The following CCDC33 variants were observed in gnomAD, a reference collection of about 807,000 sequenced individuals.
The protein encoded by CCDC33 is coiled-coil domain-containing protein 33.
In CCDC33, 94 loss-of-function variants were observed where a neutral mutation model predicts 91.9. The observed-to-expected ratio is 1.02, with a 90% confidence interval of 0.87 to 1.21. CCDC33 has a LOEUF of 1.21. CCDC33 is among the 50% of genes most tolerant of loss of function. The pLI is 0.00. For missense variants in CCDC33, 940 were observed against 935.5 expected, an observed-to-expected ratio of 1.00 and a Z score of -0.06; for synonymous variants, 396 against 374.5, an observed-to-expected ratio of 1.06 and a Z score of -0.66.
intron 6 of CCDC33, 80 bp from the exon 7 acceptor site, chr15:74,272,691 A>C: frequency 1.3e-6 from 2 of 1,560,090 alleles, no homozygotes; most frequent in Non-Finnish European, 8.7e-7. Context: ...GCATCAACCC[A>C]GAGTCTAAGC....
intron 2 of CCDC33, among the ~76,000 whole-genome samples, chr15:74,248,724 T>C (rs949860581): frequency 3.3e-5 from 5 of 152,068 alleles, no homozygotes; most frequent in African/African-American, 9.7e-5. Flanking sequence ...TGAGCCCATA[T>C]AGTAATAGGC....
At chr15:74,243,807 T>C in intron 1 of CCDC33, 178 bp from the exon 2 acceptor site, 1 of 697,748 alleles carries the variant, frequency 1.4e-6, no homozygotes, top group Non-Finnish European at 2.5e-6. Context: ...TAGTTGGATG[T>C]GGTGGCACAT....
intron 2 of CCDC33, among the ~76,000 whole-genome samples, chr15:74,223,144 A>G (rs1273905436): frequency 5.3e-5 from 8 of 152,016 alleles, no homozygotes. Context: ...TTCATGCCCC[A>G]TCCCCTCAGT....
At chr15:74,268,541 C>A in intron 5 of CCDC33, 83 bp downstream of exon 5, 3 of 1,047,504 alleles carry the variant, frequency 2.9e-6, no homozygotes, top group Admixed American at 3.5e-5. Flanking sequence ...TTGCCCTTAG[C>A]CCCCTCTGGC....
intron 8 of CCDC33, 77 bp downstream of exon 8, chr15:74,280,169 C>T (rs2076555158): frequency 6.5e-7 from 1 of 1,534,958 alleles, no homozygotes; most frequent in African/African-American, 1.4e-5. Context: ...TCAGACCATC[C>T]CACCTCTGCC....
chr15:74,268,570 C>A, intron 5 of CCDC33, 112 bp downstream of exon 5: 1 of 759,564 alleles, frequency 1.3e-6, no homozygotes, highest in Non-Finnish European at 2.2e-6. Context: ...GGGTGTGGAG[C>A]AGAGATGTCA....
chr15:74,265,961 T>C (rs1472239102), intron 3 of CCDC33, among the ~76,000 whole-genome samples: 1 of 152,068 alleles, frequency 6.6e-6, no homozygotes. Context: ...AAGGCAGAGG[T>C]TGTAGTGAGC....
At chr15:74,270,665 T>C (rs913293472) in intron 5 of CCDC33, among the ~76,000 whole-genome samples, 1 of 151,872 alleles carries the variant, frequency 6.6e-6, no homozygotes, top group Non-Finnish European at 1.5e-5. Flanking sequence ...GAGCCATTGG[T>C]GGATACAGGG....
chr15:74,218,420 C>G lies in CCDC33; in HGVS notation c.311-77C>G. The G allele has an allele frequency of 8.2e-7, 1 of 1,215,366 alleles. No homozygotes were observed. Among genetic ancestry groups the G allele is most frequent in the Non-Finnish European group, 1.1e-6 (1 of 948,636 alleles). 75.3% of individuals were successfully genotyped at this position (1,215,366 alleles called of 1,614,324 possible). On this transcript the variant is annotated intron_variant, in intron 1 of 2. Coordinates refer to the CCDC33 transcript ENST00000635913. The surrounding 1 kb of genome is among the most constrained non-coding windows in gnomAD (Gnocchi z 4.8). ...TGGGCAGCCCAGGTTTCCCCAGGGC[C>G]CTGCCTGTCCTCCTAGTCACCTGGC...
chr15:74,280,574 G>T (rs2059339634), intron 8 of CCDC33, 94 bp from the exon 9 acceptor site: 38 of 1,377,636 alleles, frequency 2.8e-5, no homozygotes, highest in Non-Finnish European at 3.6e-5. Context: ...AGGAAAGCAG[G>T]CAGCGGGAGA....
chr15:74,204,824 A>T (rs1482412410), intron 1 of CCDC33, among the ~76,000 whole-genome samples: 1 of 152,172 alleles, frequency 6.6e-6, no homozygotes, highest in East Asian at 1.9e-4. Context: ...AATCCCAGCT[A>T]CTAGGGAGGC....
Position 74,295,375 on chromosome 15 carries a change from T to C in CCDC33, c.1096-379T>C, listed in dbSNP as rs187226995. ...ATGGGATAAATGAATAGAGAGTATATTGGAAGTGGGATTACTTTAGATAGA... is the reference window on the plus strand; with the variant it reads ...ATGGGATAAATGAATAGAGAGTATACTGGAAGTGGGATTACTTTAGATAGA... On this transcript the variant is annotated intron_variant, in intron 10 of 18. Coordinates refer to ENST00000398814, the MANE Select transcript of CCDC33 (RefSeq NM_025055.5). Among the ~76,000 whole-genome samples the C allele has an allele frequency of 3.2e-4, 49 of 152,250 alleles. No homozygotes were observed. In the East Asian group the frequency reaches 9.3e-3, roughly 29 times the overall value.
chr15:74,286,602 C>T (rs549806852), intron 10 of CCDC33, among the ~76,000 whole-genome samples: 16 of 152,270 alleles, frequency 1.1e-4, no homozygotes, highest in South Asian at 1.0e-3. Context: ...TGGAAATGCA[C>T]CTCCCCATGA....
At chr15:74,290,082 A>G (rs989891007) in intron 10 of CCDC33, among the ~76,000 whole-genome samples, 3 of 152,028 alleles carry the variant, frequency 2.0e-5, no homozygotes, top group East Asian at 1.9e-4. Flanking sequence ...TGAAAACCCA[A>G]CCACCTTAGT....
chr15:74,266,172 G>A (rs2076160634), intron 3 of CCDC33, among the ~76,000 whole-genome samples: 1 of 152,128 alleles, frequency 6.6e-6, no homozygotes, highest in South Asian at 2.1e-4. Context: ...TGTATTAAAG[G>A]ATTTCCTTGA....
At chr15:74,328,078 C>T (rs1363086242) in intron 11 of CCDC33, among the ~76,000 whole-genome samples, 1 of 152,180 alleles carries the variant, frequency 6.6e-6, no homozygotes, top group African/African-American at 2.4e-5. Context: ...TTGTCCAGGG[C>T]AGATATGCTA....
chr15:74,207,554 A>G, intron 1 of CCDC33: 1 of 770,866 alleles, frequency 1.3e-6, no homozygotes, highest in South Asian at 1.7e-5. Flanking sequence ...CCACCCTCCC[A>G]TCTCAGCCCT....
intron 11 of CCDC33, among the ~76,000 whole-genome samples, chr15:74,320,975 G>T (rs1248213085): frequency 6.6e-6 from 1 of 152,192 alleles, no homozygotes. Flanking sequence ...TGAGAGGCCA[G>T]GGTCCCAGTG....
At chr15:74,229,040 C>T (rs1170959271) in intron 2 of CCDC33, among the ~76,000 whole-genome samples, 1 of 152,160 alleles carries the variant, frequency 6.6e-6, no homozygotes, top group African/African-American at 2.4e-5. Flanking sequence ...CAGAGCCAAC[C>T]CTGAGGCCCT....
Sources: gnomAD v4.1 joint callset for allele counts (sites outside exome capture counted in the v4.1 genomes callset) on GRCh38, gnomAD v4.1.1 for gene constraint, Gnocchi (gnomAD v3.1) non-coding constraint, MANE v1.5 for transcripts, NCBI Gene and HGNC (gene_info 2026-07-23, HGNC 2026-07-21) for gene names.